The following ITGA10 variants were observed in gnomAD, a reference collection of about 807,000 sequenced individuals.
ITGA10 encodes integrin subunit alpha 10, also known as integrin alpha-10.
In ITGA10, 105 loss-of-function variants were observed where a neutral mutation model predicts 145.2. The observed-to-expected ratio is 0.72, with a 90% CI of 0.62 to 0.85. ITGA10 has a LOEUF of 0.85. ITGA10 is among the 40% of genes least tolerant of loss of function. The pLI is 0.00. For missense variants in ITGA10, 1,317 were observed against 1,444.5 expected, an observed-to-expected ratio of 0.91 and a Z score of 1.43; for synonymous variants, 506 against 557.8, an observed-to-expected ratio of 0.91 and a Z score of 1.31.
intron 23 of ITGA10, 39 bp from the exon 24 acceptor site, chr1:145,896,391 C>A: frequency 6.8e-7 from 1 of 1,480,594 alleles, no homozygotes; most frequent in Non-Finnish European, 9.4e-7. Flanking sequence ...TGGTCACAGC[C>A]ATAACACAGA....
At chr1:145,905,392 G>C (rs1415369021) in intron 5 of ITGA10, among the ~76,000 whole-genome samples, 1 of 150,730 alleles carries the variant, frequency 6.6e-6, no homozygotes, top group Non-Finnish European at 1.5e-5. Context: ...CCATTCTCCT[G>C]CCTCAGCCTC....
At chr1:145,900,626 G>A (rs1429391636) in intron 14 of ITGA10, among the ~76,000 whole-genome samples, 164 bp downstream of exon 14, 1 of 148,372 alleles carries the variant, frequency 6.7e-6, no homozygotes, top group African/African-American at 2.6e-5. Context: ...CTGTGTTCAG[G>A]AGTTCTTAGT....
intron 6 of ITGA10, 126 bp from the exon 7 acceptor site, chr1:145,904,326 C>T: frequency 1.1e-6 from 1 of 883,620 alleles, no homozygotes. Context: ...CTACATTTAT[C>T]CCCTCTCTCT....
chr1:145,903,739 T>G (rs1656706422), intron 7 of ITGA10, among the ~76,000 whole-genome samples: 2 of 151,766 alleles, frequency 1.3e-5, no homozygotes, highest in South Asian at 4.2e-4. Flanking sequence ...CAGGCTGGAG[T>G]GCAATGTTGT....
At chr1:145,897,134 C>A (rs1398242278) in intron 21 of ITGA10, 47 bp from the exon 22 acceptor site, 2 of 1,570,292 alleles carry the variant, frequency 1.3e-6, no homozygotes, top group Non-Finnish European at 1.8e-6. Context: ...CCTCATGGAA[C>A]AACTACAGAG....
At chr1:145,909,040 T>C (rs1480888377) in intron 1 of ITGA10, among the ~76,000 whole-genome samples, 2 of 152,048 alleles carry the variant, frequency 1.3e-5, no homozygotes, top group Non-Finnish European at 2.9e-5. Context: ...TGGTGGCTCA[T>C]GCCTATAATC....
chr1:145,896,475 G>A (rs782731302), intron 23 of ITGA10, 123 bp from the exon 24 acceptor site: 112 of 771,130 alleles, frequency 1.5e-4, no homozygotes, highest in Middle Eastern at 1.4e-3. Context: ...AAGAGGTGGG[G>A]GTACATGGAG....
chr1:145,896,382 G>T (rs1553745105), intron 23 of ITGA10, 30 bp from the exon 24 acceptor site: 3 of 1,543,286 alleles, frequency 1.9e-6, no homozygotes, highest in South Asian at 1.1e-5. Flanking sequence ...GGAAGTACAT[G>T]GTCACAGCCA....
chr1:145,906,869 A>G (rs1553751303), intron 3 of ITGA10, 45 bp from the exon 4 acceptor site: 7 of 1,394,896 alleles, frequency 5.0e-6, no homozygotes, highest in Non-Finnish European at 6.1e-6. Context: ...GGGGTCATAG[A>G]TGGGGTGCTT....
In ITGA10 at chr1:145,893,170, G is replaced by A. The variant is rs1654927156; in HGVS notation, c.3429C>T (p.Cys1143=). The A allele has an allele frequency of 1.9e-6, 3 of 1,610,536 alleles. No homozygotes were observed. Among genetic ancestry groups the A allele is most frequent in the Non-Finnish European group, 2.5e-6 (3 of 1,176,858 alleles). Residue 1143 remains cysteine (C), a synonymous_variant, in exon 29 of 30, where the codon TGC becomes TGT. Transcript: ENST00000369304. Reference sequence around the variant, plus strand: ...CTAAAGCAGTGCTTACCTTCCACAGGCAGAAGACAAGGAGAGCAAGCAGGA... The same window carrying A: ...CTAAAGCAGTGCTTACCTTCCACAGACAGAAGACAAGGAGAGCAAGCAGGA... The part of the protein sequence containing the change: ...GLLLLALLVF[C]LWKLGFFAHK...
At chr1:145,897,443 G>A (rs1553745635) in intron 20 of ITGA10, 69 bp downstream of exon 20, 2 of 1,601,168 alleles carry the variant, frequency 1.2e-6, no homozygotes, top group South Asian at 1.1e-5. Context: ...CCTCACAGCT[G>A]AGGCCAATAC....
Position 145,900,793 on chromosome 1 carries a change from G to A in ITGA10, c.1788C>T (p.Ala596=), listed in dbSNP as rs782288112. ...GTQSGVRPHP[A]QRIAAASMPH... is the part of the protein sequence containing the mutation. ...GCTTTATTTGGGTACTCCTGACCTGGGCAGGATGGGGCCTGACTCCACTCT... is the reference window on the plus strand; with the variant it reads ...GCTTTATTTGGGTACTCCTGACCTGAGCAGGATGGGGCCTGACTCCACTCT... Residue 596 remains alanine, a synonymous_variant, in exon 14 of 30, where the codon GCC becomes GCT. Coordinates refer to ENST00000369304, the MANE Select transcript of ITGA10 (RefSeq NM_003637.5). The A allele has an allele frequency of 9.9e-6, 16 of 1,613,952 alleles. 1 individual carries two copies. In the East Asian group the frequency reaches 2.0e-4, roughly 20 times the overall value.
intron 1 of ITGA10, among the ~76,000 whole-genome samples, chr1:145,909,339 T>A (rs1182055817): frequency 6.6e-6 from 1 of 150,470 alleles, no homozygotes; most frequent in African/African-American, 2.4e-5. Context: ...GCGTACCTAG[T>A]AGTCCCAACT....
At chr1:145,897,367 C>T (rs917386463) in intron 20 of ITGA10, 28 bp from the exon 21 acceptor site, 13 of 1,611,844 alleles carry the variant, frequency 8.1e-6, no homozygotes, top group South Asian at 1.1e-5. Context: ...GAGATAGAAG[C>T]TGGAGCTGGG....
chr1:145,907,050 C>T lies in ITGA10; in HGVS notation c.265G>A (p.Gly89Ser). Reference protein sequence around the residue: ...GGAHNAPCAKGHLGDYQLGNS... With the variant: ...GGAHNAPCAKSHLGDYQLGNS... ...TCAGGCATCTTCTCACCTAAGTGGC[C>T]CTTGGCACATGGGGCATTGTGGGCC... is the stretch of plus-strand genomic sequence containing the variant. The change falls in exon 3 of 30, where the codon GGC (glycine) becomes AGC (serine). Residue 89 changes from glycine (G) to serine (S), a missense_variant. Coordinates refer to ENST00000369304, the MANE Select transcript of ITGA10 (RefSeq NM_003637.5). 6.4e-7 allele frequency: 1 copy of T among 1,553,472 alleles called. No homozygotes were observed.
At position 145,893,203 on chromosome 1, in the gene ITGA10, T is replaced by A; in HGVS notation, c.3396A>T (p.Gly1132=). 1.2e-6 allele frequency: 2 copies of A among 1,613,984 alleles called. No homozygotes were observed. Among genetic ancestry groups the A allele is most frequent in the Non-Finnish European group, 1.7e-6 (2 of 1,179,970 alleles). ...SLWILIGSVL[G]GLLLLALLVF... ...CAAGGAGAGCAAGCAGGAGCAACCCTCCCAGGACACTGCCTATGAGGATCC... is the reference window on the plus strand; with the variant it reads ...CAAGGAGAGCAAGCAGGAGCAACCCACCCAGGACACTGCCTATGAGGATCC... The change falls in exon 29 of 30, where the codon GGA becomes GGT. Residue 1132 remains glycine (G), a synonymous_variant. Coordinates refer to ENST00000369304, the MANE Select transcript of ITGA10 (RefSeq NM_003637.5).
chr1:145,900,254 G>A, intron 14 of ITGA10, 67 bp from the exon 15 acceptor site: 1 of 1,469,112 alleles, frequency 6.8e-7, no homozygotes, highest in Non-Finnish European at 9.1e-7. Context: ...CTCCTGCCTT[G>A]CTCTTTCTTT....
In ITGA10 at chr1:145,901,971, C is replaced by G. The variant is rs1656392807; in HGVS notation, c.1200G>C (p.Val400=). 1 of 1,614,128 alleles carries G rather than the reference C, an allele frequency of 6.2e-7. No individual in the cohort carries two copies. Residue 400 remains valine, a synonymous_variant, in exon 11 of 30, where the codon GTG becomes GTC. Transcript: ENST00000369304. The surrounding 1 kb of genome is among the most constrained non-coding windows in gnomAD (Gnocchi z 4.3). The part of the protein sequence containing the change: ...MVGAYDWGGS[V]LWLEGGHRLF... Reference sequence around the variant, plus strand: ...GGCGGTGGCCTCCTTCAAGCCATAGCACAGAGCCTCCCCAGTCATAGGCCC... The same window carrying G: ...GGCGGTGGCCTCCTTCAAGCCATAGGACAGAGCCTCCCCAGTCATAGGCCC...
At chr1:145,898,904 C>G in intron 17 of ITGA10, 32 bp downstream of exon 17, 1 of 1,596,472 alleles carries the variant, frequency 6.3e-7, no homozygotes. Flanking sequence ...TTCTCAGGCC[C>G]TGATGCTAAG....
Sources: allele counts gnomAD v4.1 joint callset (sites outside exome capture counted in the v4.1 genomes callset), GRCh38; gene constraint gnomAD v4.1.1; non-coding constraint Gnocchi (gnomAD v3.1); transcripts MANE v1.5; gene names NCBI Gene and HGNC (gene_info 2026-07-23, HGNC 2026-07-21).